GRM7: variants seen among roughly 807,000 people sequenced by gnomAD.
GRM7 encodes metabotropic glutamate receptor 7.
A neutral mutation model predicts 84.5 loss-of-function variants in GRM7; 35 were observed. That is an observed-to-expected ratio of 0.41 (90% CI 0.32 to 0.55). The LOEUF (loss-of-function observed/expected upper bound fraction) is 0.55, where lower values mean the gene tolerates loss of function less well. GRM7 is among the 20% of genes least tolerant of loss of function. GRM7 has a pLI of 0.19. For missense variants in GRM7, 1,003 were observed against 1,194.6 expected (o/e 0.84, Z 2.36); for synonymous variants, 487 against 455.1 (o/e 1.07, Z -0.89).
At chr3:7,608,802 G>A (rs975503412) in intron 8 of GRM7, among the ~76,000 whole-genome samples, 5 of 151,956 alleles carry the variant, frequency 3.3e-5, no homozygotes, top group African/African-American at 9.7e-5. Flanking sequence ...TCCTATGTCC[G>A]GGATAGTAAT....
chr3:6,869,732 CTT>C (rs1245084768), intron 1 of GRM7, among the ~76,000 whole-genome samples: 1 of 152,102 alleles, frequency 6.6e-6, no homozygotes. Flanking sequence ...TGGAATGAAA[CTT>C]TTTATGGAAC....
intron 1 of GRM7, among the ~76,000 whole-genome samples, chr3:6,951,704 T>C (rs1487437444): frequency 6.6e-6 from 1 of 152,148 alleles, no homozygotes; most frequent in Non-Finnish European, 1.5e-5. Context: ...ATGTTCCAAG[T>C]CCCCTTTCAG....
intron 4 of GRM7, among the ~76,000 whole-genome samples, chr3:7,400,321 C>G (rs528356019): frequency 6.6e-6 from 1 of 152,102 alleles, no homozygotes; most frequent in Non-Finnish European, 1.5e-5. Flanking sequence ...AATCTTCCTC[C>G]CCATTCTGCT....
intron 1 of GRM7, among the ~76,000 whole-genome samples, chr3:6,909,555 T>C (rs1026242660): frequency 6.6e-6 from 1 of 152,094 alleles, no homozygotes; most frequent in African/African-American, 2.4e-5. Flanking sequence ...GTGGATCAAT[T>C]GTTGGTCCAA....
chr3:7,005,501 T>C lies in GRM7; in HGVS notation c.520-140951T>C, dbSNP rs1034401841. 1.2e-4 allele frequency among the ~76,000 whole-genome samples: 18 copies of C among 152,368 alleles called. 1 individual carries two copies. The South Asian group carries it at 1.4e-3, about 12-fold the overall frequency. ...ATACTGAATTCTATGAATAAACTTA[T>C]GTTCAATAGTACCATATGTTAATTT... is the stretch of plus-strand genomic sequence containing the variant. On this transcript the variant is annotated intron_variant, in intron 1 of 9. Coordinates refer to ENST00000357716, the MANE Select transcript of GRM7 (RefSeq NM_000844.4).
chr3:7,552,983 A>G (rs527746348), intron 7 of GRM7, among the ~76,000 whole-genome samples: 4 of 152,326 alleles, frequency 2.6e-5, no homozygotes, highest in African/African-American at 9.6e-5. Flanking sequence ...TCAAACTTTT[A>G]TGCTCTACTT....
intron 9 of GRM7, among the ~76,000 whole-genome samples, chr3:7,703,035 C>T (rs1208513313): frequency 6.6e-6 from 1 of 152,112 alleles, no homozygotes; most frequent in East Asian, 1.9e-4. Flanking sequence ...TTTTAACATA[C>T]ACCCGTGCCT....
chr3:7,584,858 T>C (rs3804895), intron 8 of GRM7, among the ~76,000 whole-genome samples: 44,568 of 152,152 alleles, frequency 0.29, 6,781 homozygotes, highest in Middle Eastern at 0.4. Flanking sequence ...ATTTGTTTAA[T>C]TTAGAAAATA....
At chr3:7,544,949 T>TA (rs1257434074) in intron 7 of GRM7, among the ~76,000 whole-genome samples, 1 of 152,222 alleles carries the variant, frequency 6.6e-6, no homozygotes, top group African/African-American at 2.4e-5. Flanking sequence ...CACTCCTTGT[T>TA]AAAAAATGCA....
chr3:7,571,992 T>C (rs540960425), intron 7 of GRM7, among the ~76,000 whole-genome samples: 19 of 152,212 alleles, frequency 1.2e-4, no homozygotes, highest in African/African-American at 4.3e-4. Context: ...ATGAGACTCA[T>C]TCACTATCAT....
Position 6,876,599 on chromosome 3 carries a change from A to ATTTTTTTT in GRM7, c.519+14705_519+14712dup, listed in dbSNP as rs34723690. ...GATAAGTCAGAGGTTTTTACCACTAATTTTTTTTTTTTTTTTTTTTGAGAA... is the reference window on the plus strand; with the variant it reads ...GATAAGTCAGAGGTTTTTACCACTAATTTTTTTTTTTTTTTTTTTTTTTTTTTTGAGAA... On this transcript the variant is annotated intron_variant, in intron 1 of 9. Coordinates refer to ENST00000357716, the MANE Select transcript of GRM7 (RefSeq NM_000844.4). Among the ~76,000 whole-genome samples, 5 of 124,142 alleles carry ATTTTTTTT rather than the reference A, an allele frequency of 4.0e-5. No individual in the cohort carries two copies. The East Asian group carries it at 1.1e-3, about 29-fold the overall frequency. 81.4% of individuals were successfully genotyped at this position (124,142 alleles called of 152,430 possible).
At chr3:7,602,150 G>C (rs1337230728) in intron 8 of GRM7, among the ~76,000 whole-genome samples, 1 of 151,816 alleles carries the variant, frequency 6.6e-6, no homozygotes, top group East Asian at 1.9e-4. Flanking sequence ...ACAGGATAAG[G>C]GGAGAGCTTG....
intron 2 of GRM7, among the ~76,000 whole-genome samples, chr3:7,181,701 C>T (rs751903456): frequency 2.6e-5 from 4 of 152,198 alleles, no homozygotes; most frequent in South Asian, 2.1e-4. Context: ...CCTGACCTCC[C>T]GGGCTCAAGT....
chr3:7,180,158 G>T (rs1206578886), intron 2 of GRM7, among the ~76,000 whole-genome samples: 1 of 152,200 alleles, frequency 6.6e-6, no homozygotes, highest in African/African-American at 2.4e-5. Context: ...AATTATCACA[G>T]AAATTAGTTG....
rs77472563 is a variant in GRM7 at position 7,451,132 on chromosome 3, G to A, written c.1175-1475G>A. Among the ~76,000 whole-genome samples, 14 of 152,310 alleles carry A rather than the reference G, an allele frequency of 9.2e-5. No individual in the cohort carries two copies. The East Asian group carries it at 2.5e-3, about 27-fold the overall frequency. On this transcript the variant is annotated intron_variant, in intron 5 of 9. Coordinates refer to ENST00000357716, the MANE Select transcript of GRM7 (RefSeq NM_000844.4). ...GAAAATATTGCTGTGAAAGTGAAATGCAATTTGTGGATAATTCTTCTTCAT... is the reference window on the plus strand; with the variant it reads ...GAAAATATTGCTGTGAAAGTGAAATACAATTTGTGGATAATTCTTCTTCAT...
chr3:7,012,028 C>G (rs1371659510), intron 1 of GRM7, among the ~76,000 whole-genome samples: 2 of 148,938 alleles, frequency 1.3e-5, no homozygotes, highest in African/African-American at 4.8e-5. Context: ...ACTGCTGAAT[C>G]AGATTAAGCC....
intron 2 of GRM7, among the ~76,000 whole-genome samples, chr3:7,159,140 A>G (rs914695282): frequency 6.6e-6 from 1 of 152,200 alleles, no homozygotes; most frequent in African/African-American, 2.4e-5. Flanking sequence ...AGAAAGATTA[A>G]GATTAAAATA....
At chr3:7,397,251 C>T (rs1448288420) in intron 4 of GRM7, among the ~76,000 whole-genome samples, 2 of 152,132 alleles carry the variant, frequency 1.3e-5, no homozygotes, top group South Asian at 4.1e-4. Flanking sequence ...CATCTTAATA[C>T]TCATACACAA....
chr3:7,213,789 T>C (rs1415874220), intron 2 of GRM7, among the ~76,000 whole-genome samples: 1 of 152,076 alleles, frequency 6.6e-6, no homozygotes, highest in South Asian at 2.1e-4. Context: ...GAGCATGGCT[T>C]TGGACAGGGG....
Sources: allele counts gnomAD v4.1 joint callset (sites outside exome capture counted in the v4.1 genomes callset), GRCh38; gene constraint gnomAD v4.1.1; transcripts MANE v1.5; gene names NCBI Gene and HGNC (gene_info 2026-07-23, HGNC 2026-07-21).